OXR1: variants seen among roughly 807,000 people sequenced by gnomAD.
The protein encoded by OXR1 is oxidation resistance protein 1.
Under a neutral mutation model 104.6 loss-of-function variants are expected in OXR1, and 41 were observed. The observed-to-expected ratio is 0.39, with a 90% CI of 0.31 to 0.51. The LOEUF is 0.51. Among genes scored for constraint, OXR1 ranks in the 20% least tolerant of loss-of-function variants. The pLI is 0.77. For missense variants in OXR1, 955 were observed against 1,031.9 expected, an observed-to-expected ratio of 0.93 and a Z score of 1.02; for synonymous variants, 348 against 348.4, an observed-to-expected ratio of 1.00 and a Z score of 0.01.
chr8:106,307,570 T>C (rs368101555), intron 1 of OXR1, among the ~76,000 whole-genome samples: 1 of 152,076 alleles, frequency 6.6e-6, no homozygotes, highest in Non-Finnish European at 1.5e-5. Flanking sequence ...TCCTTTTTTT[T>C]TTGTTGTTCT....
intron 3 of OXR1, among the ~76,000 whole-genome samples, chr8:106,533,464 A>G (rs1018365957): frequency 2.0e-5 from 3 of 152,178 alleles, no homozygotes; most frequent in African/African-American, 7.2e-5. Flanking sequence ...TCAAAGAGAG[A>G]GAGGAAGCAG....
In OXR1 at chr8:106,706,508, C is replaced by A; in HGVS notation, c.987C>A (p.Ser329Arg). Residue 329 changes from serine to arginine, a missense_variant, in exon 9 of 17, where the codon AGC becomes AGA. Transcript: ENST00000517566. ...GNDSASTAPR[S>R]TEESLSEDVF... ...ATAGTGCCAGCACTGCTCCTAGGAGCACTGAGGAGTCTCTTTCTGAAGATG... is the reference window on the plus strand; with the variant it reads ...ATAGTGCCAGCACTGCTCCTAGGAGAACTGAGGAGTCTCTTTCTGAAGATG... 3 of 1,606,044 alleles carry A rather than the reference C, an allele frequency of 1.9e-6. No homozygotes were observed. The highest frequency in any genetic ancestry group is 2.5e-6 in the Non-Finnish European group (3 of 1,178,054).
In OXR1 at chr8:106,746,574, A is replaced by T. The variant is rs369900172; in HGVS notation, c.2486+712A>T. On this transcript the variant is annotated intron_variant, in intron 16 of 16. Transcript: ENST00000517566. The stretch of plus-strand genomic sequence containing the variant: ...AAGTGTTACATTATTTGTATCCCAC[A>T]GTTGAGGATATATAATGATAATTTA... Among the ~76,000 whole-genome samples the T allele has an allele frequency of 7.0e-4, 107 of 152,314 alleles. 1 individual carries two copies. Among genetic ancestry groups the T allele is most frequent in the African/African-American group, 2.4e-3 (101 of 41,570 alleles).
chr8:106,725,339 A>G (rs571827198), intron 11 of OXR1, among the ~76,000 whole-genome samples: 1 of 152,300 alleles, frequency 6.6e-6, no homozygotes, highest in African/African-American at 2.4e-5. Context: ...TGTGCATACA[A>G]CAAAGTGAAG....
intron 2 of OXR1, among the ~76,000 whole-genome samples, chr8:106,410,709 A>G (rs562132744): frequency 6.6e-6 from 1 of 152,192 alleles, no homozygotes; most frequent in East Asian, 1.9e-4. Flanking sequence ...GAAAATCATT[A>G]TATGGTTGAC....
intron 3 of OXR1, among the ~76,000 whole-genome samples, chr8:106,635,771 G>T (rs898624017): frequency 6.6e-6 from 1 of 152,108 alleles, no homozygotes; most frequent in Non-Finnish European, 1.5e-5. Flanking sequence ...ATAACTATAA[G>T]AAAGAAGTTT....
chr8:106,637,147 C>T (rs1415248456), intron 3 of OXR1, among the ~76,000 whole-genome samples: 1 of 152,126 alleles, frequency 6.6e-6, no homozygotes, highest in East Asian at 1.9e-4. Context: ...TCATCCTTGG[C>T]TAGAGAATTG....
At chr8:106,727,844 C>A (rs149544631) in intron 11 of OXR1, among the ~76,000 whole-genome samples, 1 of 152,108 alleles carries the variant, frequency 6.6e-6, no homozygotes, top group South Asian at 2.1e-4. Context: ...TTTAATTGAA[C>A]CCTCACAGTA....
intron 3 of OXR1, among the ~76,000 whole-genome samples, chr8:106,532,218 G>C (rs1265994833): frequency 6.6e-6 from 1 of 152,200 alleles, no homozygotes; most frequent in Non-Finnish European, 1.5e-5. Flanking sequence ...TTTATAGAGA[G>C]ATATTTCTAG....
rs773268822 is a variant in OXR1, at chr8:106,683,286, C to T, written c.391C>T (p.Arg131Ter). 1.9e-6 allele frequency: 3 copies of T among 1,583,796 alleles called. No homozygotes were observed. Among genetic ancestry groups the T allele is most frequent in the Non-Finnish European group, 1.7e-6 (2 of 1,153,312 alleles). Residue 131 changes from arginine (R) to a stop codon, truncating the protein, a stop_gained, in exon 5 of 17, where the codon CGA (arginine) becomes TGA (stop). Coordinates refer to ENST00000517566, the MANE Select transcript of OXR1 (RefSeq NM_001198533.2). LOFTEE classifies it high-confidence loss of function. ...TGTTCAATTAAATAAGTTATTCTCC[C>T]GAGCAGTTGTTACTGGACAGGTAGT... is the stretch of plus-strand genomic sequence containing the variant. Reference protein sequence around the residue: ...ELVQLNKLFSRAVVTGQVLYV... With the variant: ...ELVQLNKLFS
intron 11 of OXR1, 74 bp from the exon 12 acceptor site, chr8:106,737,440 CTTTTTT>C (rs71562118): frequency 1.8e-4 from 26 of 148,036 alleles, no homozygotes; most frequent in East Asian, 6.6e-4. Context: ...AATTTCTCCT[CTTTTTT>C]TTTTTTTTTT....
Position 106,751,627 on chromosome 8 carries a change from TAA to T in OXR1, c.*688_*689del, listed in dbSNP as rs1325833372. The T allele has an allele frequency of 6.6e-6, 1 of 152,578 alleles. No homozygotes were observed. Among genetic ancestry groups the T allele is most frequent in the Admixed American group, 6.5e-5 (1 of 15,270 alleles). 9.5% of individuals were successfully genotyped at this position (152,578 alleles called of 1,614,324 possible). ...ATGCTTTCATCATTAAATTATCTGATAAAGTTACAAGTCACAAAGGAGAATGA... is the reference window on the plus strand; with the variant it reads ...ATGCTTTCATCATTAAATTATCTGATAGTTACAAGTCACAAAGGAGAATGA... On this transcript the variant is annotated 3_prime_UTR_variant, in exon 17 of 17. Coordinates refer to ENST00000517566, the MANE Select transcript of OXR1 (RefSeq NM_001198533.2).
chr8:106,427,783 T>A (rs1184148058), intron 2 of OXR1, among the ~76,000 whole-genome samples: 1 of 152,208 alleles, frequency 6.6e-6, no homozygotes, highest in Non-Finnish European at 1.5e-5. Flanking sequence ...AATCAATATG[T>A]GATATCTCAA....
intron 3 of OXR1, among the ~76,000 whole-genome samples, chr8:106,596,446 C>CA (rs1168254897): frequency 6.6e-6 from 1 of 151,378 alleles, no homozygotes; most frequent in African/African-American, 2.4e-5. Context: ...CACTCTGTCT[C>CA]AAAAAAACAA....
chr8:106,429,025 C>T (rs981783948), intron 2 of OXR1, among the ~76,000 whole-genome samples: 4 of 152,140 alleles, frequency 2.6e-5, no homozygotes, highest in African/African-American at 7.2e-5. Flanking sequence ...GGAGTCATTA[C>T]GCTACTTATC....
rs118141899 is a variant in OXR1 at position 106,406,762 on chromosome 8, A to T, written c.23+47126A>T. Among the ~76,000 whole-genome samples, 72 of 152,324 alleles carry T rather than the reference A, an allele frequency of 4.7e-4. No homozygotes were observed. In the East Asian group the frequency reaches 0.013, roughly 28 times the overall value. On this transcript the variant is annotated intron_variant, in intron 2 of 16. Transcript: ENST00000517566. Reference sequence around the variant, plus strand: ...CAGTAAAACTACTCTGAATGATACTATAATGGTGGATACCTGTCATTATAC... The same window carrying T: ...CAGTAAAACTACTCTGAATGATACTTTAATGGTGGATACCTGTCATTATAC...
At chr8:106,325,379 T>C (rs1371083059) in intron 1 of OXR1, among the ~76,000 whole-genome samples, 2 of 152,240 alleles carry the variant, frequency 1.3e-5, no homozygotes, top group East Asian at 3.8e-4. Flanking sequence ...TTGCTAGTCA[T>C]TGGAGAAAAT....
chr8:106,430,659 C>T (rs868009282), intron 2 of OXR1, among the ~76,000 whole-genome samples: 1 of 152,142 alleles, frequency 6.6e-6, no homozygotes, highest in African/African-American at 2.4e-5. Context: ...CATGGTCTTC[C>T]AGTTGCTGGA....
chr8:106,537,053 G>A (rs1339986753), intron 3 of OXR1, among the ~76,000 whole-genome samples: 1 of 152,066 alleles, frequency 6.6e-6, no homozygotes, highest in Non-Finnish European at 1.5e-5. Context: ...GGCAGACCCA[G>A]TGTCTGGTGA....
Sources: allele counts gnomAD v4.1 joint callset (sites outside exome capture counted in the v4.1 genomes callset), GRCh38; gene constraint gnomAD v4.1.1; transcripts MANE v1.5; gene names NCBI Gene and HGNC (gene_info 2026-07-23, HGNC 2026-07-21).